Variants in CSNK1G3 observed in about 807,000 individuals in gnomAD.
CSNK1G3 encodes the protein casein kinase 1 gamma 3.
A neutral mutation model predicts 64.3 loss-of-function variants in CSNK1G3; 23 were observed. The ratio of observed to expected loss-of-function variants is 0.36; its 90% confidence interval spans 0.26 to 0.51. The LOEUF is 0.51. CSNK1G3 is among the 20% of genes least tolerant of loss of function. The pLI is 0.96. For synonymous variants in CSNK1G3, 158 were observed against 162.2 expected, an observed-to-expected ratio of 0.97 and a Z score of 0.20; for missense variants, 357 against 510.5, an observed-to-expected ratio of 0.70 and a Z score of 2.90.
At chr5:123,546,282 T>C (rs1782501378) in intron 2 of CSNK1G3, among the ~76,000 whole-genome samples, 1 of 152,160 alleles carries the variant, frequency 6.6e-6, no homozygotes, top group Admixed American at 6.6e-5. Context: ...CATTGTAATT[T>C]AATTTTTTCC....
At chr5:123,613,871 G>A (rs1748979421) in intron 12 of CSNK1G3, among the ~76,000 whole-genome samples, 1 of 152,086 alleles carries the variant, frequency 6.6e-6, no homozygotes, top group African/African-American at 2.4e-5. Flanking sequence ...TCTATATAAT[G>A]TATTTTCTGT....
At chr5:123,530,407 C>T (rs1294102932) in intron 1 of CSNK1G3, among the ~76,000 whole-genome samples, 2 of 152,118 alleles carry the variant, frequency 1.3e-5, no homozygotes, top group East Asian at 3.9e-4. Flanking sequence ...TTTGATGATA[C>T]TCCTGTGCCA....
chr5:123,543,671 A>G (rs1176745998), intron 1 of CSNK1G3, among the ~76,000 whole-genome samples: 2 of 152,140 alleles, frequency 1.3e-5, no homozygotes, highest in African/African-American at 4.8e-5. Flanking sequence ...GCTTGGATGA[A>G]GGTGCGACTC....
intron 1 of CSNK1G3, among the ~76,000 whole-genome samples, chr5:123,520,387 T>C (rs1260349053): frequency 1.3e-5 from 2 of 152,110 alleles, no homozygotes; most frequent in Non-Finnish European, 2.9e-5. Flanking sequence ...TTTAGGATGA[T>C]TTTTATTTTT....
intron 6 of CSNK1G3, among the ~76,000 whole-genome samples, chr5:123,578,302 GT>G (rs1459314197): frequency 6.6e-6 from 1 of 151,644 alleles, no homozygotes; most frequent in Non-Finnish European, 1.5e-5. Context: ...AATTTTGTTT[GT>G]TTCATAATCT....
exon 9 of CSNK1G3, chr5:123,590,428 T>C: frequency 6.8e-7 from 1 of 1,472,138 alleles, no homozygotes; most frequent in Non-Finnish European, 9.1e-7. Flanking sequence ...GCAACATATC[T>C]TCGTTATGTA....
chr5:123,529,928 G>T (rs1779660339), intron 1 of CSNK1G3, among the ~76,000 whole-genome samples: 1 of 152,000 alleles, frequency 6.6e-6, no homozygotes, highest in African/African-American at 2.4e-5. Flanking sequence ...CATGAGCTCA[G>T]AAGTTTGAGA....
intron 10 of CSNK1G3, among the ~76,000 whole-genome samples, chr5:123,592,523 A>G (rs1049266239): frequency 3.3e-5 from 5 of 152,016 alleles, no homozygotes; most frequent in Admixed American, 6.6e-5. Context: ...TTTCACTATC[A>G]CACTGAGTTA....
intron 12 of CSNK1G3, among the ~76,000 whole-genome samples, chr5:123,611,233 G>A (rs1028539589): frequency 2.6e-5 from 4 of 152,106 alleles, no homozygotes; most frequent in Non-Finnish European, 5.9e-5. Context: ...TAAGTATATC[G>A]TATTTTGAGA....
intron 10 of CSNK1G3, among the ~76,000 whole-genome samples, chr5:123,598,527 A>G (rs900351806): frequency 2.6e-5 from 4 of 152,146 alleles, no homozygotes; most frequent in African/African-American, 9.7e-5. Context: ...GACGTAAAGA[A>G]TCAGTGGGAG....
chr5:123,514,541 A>G (rs967856485), intron 1 of CSNK1G3, among the ~76,000 whole-genome samples: 19 of 152,320 alleles, frequency 1.2e-4, no homozygotes, highest in African/African-American at 4.6e-4. Context: ...AAGCAGACAT[A>G]CACAGAGGTA....
Position 123,574,020 on chromosome 5 carries a change from T to C in CSNK1G3, c.438+479T>C, listed in dbSNP as rs555568737. Among the ~76,000 whole-genome samples the C allele has an allele frequency of 4.6e-5, 7 of 152,168 alleles. No homozygotes were observed. The South Asian group carries it at 1.5e-3, about 32-fold the overall frequency. On this transcript the variant is annotated intron_variant, in intron 5 of 12. Transcript: ENST00000345990. ...GCATGCCACTACGCCCGACCAATTT[T>C]TTGTATTTTTTGTAGAGACAGGGTT...
At chr5:123,529,221 AAG>A (rs1215561920) in intron 1 of CSNK1G3, among the ~76,000 whole-genome samples, 1 of 152,214 alleles carries the variant, frequency 6.6e-6, no homozygotes, top group Non-Finnish European at 1.5e-5. Flanking sequence ...GGTGTCTTGA[AAG>A]AGAAACATAC....
rs1791317658 is a variant in CSNK1G3, at chr5:123,586,303, A to G, written c.674-1765A>G. Among the ~76,000 whole-genome samples the G allele has an allele frequency of 2.0e-5, 3 of 152,174 alleles. 1 individual carries two copies. The South Asian group carries it at 6.2e-4, about 32-fold the overall frequency. On this transcript the variant is annotated intron_variant, in intron 6 of 12. Coordinates refer to ENST00000345990, the Ensembl canonical transcript of CSNK1G3. ...TAATAGGCAAGAGACATTTTGGAGC[A>G]TTAGAAATGCCTCTTGATTGTGGTG...
chr5:123,540,020 T>A (rs1394152991), intron 1 of CSNK1G3, among the ~76,000 whole-genome samples: 1 of 152,170 alleles, frequency 6.6e-6, no homozygotes, highest in Non-Finnish European at 1.5e-5. Flanking sequence ...TTCTCTTTTG[T>A]TCTTGATCAT....
chr5:123,525,241 A>G (rs1348424080), intron 1 of CSNK1G3, among the ~76,000 whole-genome samples: 2 of 148,782 alleles, frequency 1.3e-5, no homozygotes, highest in Non-Finnish European at 3.0e-5. Flanking sequence ...TTAATTAGGG[A>G]GAATGTTAAC....
chr5:123,519,911 C>T (rs572741058), intron 1 of CSNK1G3, among the ~76,000 whole-genome samples: 2 of 152,198 alleles, frequency 1.3e-5, no homozygotes, highest in African/African-American at 2.4e-5. Context: ...TACAGTTTTG[C>T]TCAGGACTGT....
chr5:123,526,536 C>G, intron 1 of CSNK1G3, among the ~76,000 whole-genome samples: 1 of 152,050 alleles, frequency 6.6e-6, no homozygotes. Flanking sequence ...AATCAAAACA[C>G]AAAAACAGTT....
chr5:123,599,227 G>T (rs1794001858), intron 10 of CSNK1G3, among the ~76,000 whole-genome samples: 1 of 152,140 alleles, frequency 6.6e-6, no homozygotes, highest in Admixed American at 6.5e-5. Context: ...TTACATGGTT[G>T]TACTATGTAC....
Sources: gnomAD v4.1 joint callset for allele counts (sites outside exome capture counted in the v4.1 genomes callset) on GRCh38, gnomAD v4.1.1 for gene constraint, MANE v1.5 for transcripts, NCBI Gene and HGNC (gene_info 2026-07-23, HGNC 2026-07-21) for gene names.